Variants in TRDN observed in about 807,000 individuals in gnomAD.
TRDN encodes triadin in skeletal muscle.
In TRDN, 161 loss-of-function variants were observed where a neutral mutation model predicts 149.7. The observed-to-expected ratio is 1.08, with a 90% CI of 0.95 to 1.23. The LOEUF (loss-of-function observed/expected upper bound fraction) is 1.23, where lower values mean the gene tolerates loss of function less well. Among genes scored for constraint, TRDN ranks in the 50% most tolerant of loss-of-function variants. The pLI, the probability that TRDN is intolerant of heterozygous loss-of-function variation, is 0.00. For missense variants in TRDN, 896 were observed against 823.5 expected (o/e 1.09, Z -1.08); for synonymous variants, 294 against 250.5 (o/e 1.17, Z -1.64).
At chr6:123,458,931 C>G (rs1331491158) in intron 10 of TRDN, among the ~76,000 whole-genome samples, 2 of 146,462 alleles carry the variant, frequency 1.4e-5, no homozygotes, top group Non-Finnish European at 3.1e-5. Flanking sequence ...TTTTTGGATC[C>G]TTTGATATAT....
intron 10 of TRDN, among the ~76,000 whole-genome samples, chr6:123,453,774 G>T (rs1026992707): frequency 1.1e-4 from 16 of 151,994 alleles, no homozygotes; most frequent in African/African-American, 3.4e-4. Context: ...CAAAGGAAAA[G>T]AAGCCATTAT....
chr6:123,271,160 C>A lies in TRDN; in HGVS notation c.1699G>T (p.Ala567Ser). The change falls in exon 30 of 41, where the codon GCT becomes TCT. Residue 567 changes from alanine to serine, a missense_variant. Transcript: ENST00000334268. ...PEEKVLKQVK[A>S]VTIEKTAKPK... is the part of the protein sequence containing the mutation. Reference sequence around the variant, plus strand: ...TTACCTGTTTTTTCTATTGTGACAGCTTTTACCTGCTTGAGAACTTTTTCT... The same window carrying A: ...TTACCTGTTTTTTCTATTGTGACAGATTTTACCTGCTTGAGAACTTTTTCT... 2 of 1,536,386 alleles carry A rather than the reference C, an allele frequency of 1.3e-6. No homozygotes were observed. The highest frequency in any genetic ancestry group is 1.8e-6 in the Non-Finnish European group (2 of 1,142,476).
At chr6:123,543,447 G>A (rs189118505) in intron 4 of TRDN, among the ~76,000 whole-genome samples, 3 of 152,196 alleles carry the variant, frequency 2.0e-5, no homozygotes, top group African/African-American at 4.8e-5. Context: ...AAACATGTCC[G>A]AATTCTGTAT....
At chr6:123,466,886 G>A (rs1346165654) in intron 9 of TRDN, among the ~76,000 whole-genome samples, 2 of 151,628 alleles carry the variant, frequency 1.3e-5, no homozygotes, top group East Asian at 3.9e-4. Context: ...CATATACCTC[G>A]GTGAATAGTA....
Position 123,223,672 on chromosome 6 carries a change from T to TCTTTCTTCCTTC in TRDN, c.2014+420_2014+421insGAAGGAAGAAAG, listed in dbSNP as rs552763205. Among the ~76,000 whole-genome samples the TCTTTCTTCCTTC allele has an allele frequency of 2.6e-4, 27 of 105,792 alleles. 1 individual carries two copies. In the East Asian group the frequency reaches 7.6e-3, roughly 30 times the overall value. 69.4% of individuals were successfully genotyped at this position (105,792 alleles called of 152,430 possible). A position where few individuals can be genotyped will look rare whatever the true frequency, so the allele number is the denominator to read the frequency against. The stretch of plus-strand genomic sequence containing the variant: ...CAGGGGTTGAGTCCAGCCTTCCATT[T>TCTTTCTTCCTTC]CTTCCTTCCTTCCTTCCTTCCTTCC... On this transcript the variant is annotated intron_variant, in intron 39 of 40. Transcript: ENST00000334268.
At chr6:123,573,518 C>T (rs1782680161) in intron 1 of TRDN, among the ~76,000 whole-genome samples, 1 of 151,976 alleles carries the variant, frequency 6.6e-6, no homozygotes, top group African/African-American at 2.4e-5. Context: ...GTGGAAGCAC[C>T]AACTCTTCAA....
chr6:123,497,123 A>T, intron 9 of TRDN, 70 bp downstream of exon 9: 1 of 1,199,330 alleles, frequency 8.3e-7, no homozygotes. Flanking sequence ...ACAGTTAGGT[A>T]CATAAAAAGC....
chr6:123,475,249 A>C (rs1230675415), intron 9 of TRDN, among the ~76,000 whole-genome samples: 3 of 149,728 alleles, frequency 2.0e-5, no homozygotes, highest in Non-Finnish European at 3.0e-5. Context: ...CCACAGAAAT[A>C]CAAACTACCA....
At chr6:123,481,781 C>G (rs1777761616) in intron 9 of TRDN, among the ~76,000 whole-genome samples, 1 of 152,144 alleles carries the variant, frequency 6.6e-6, no homozygotes, top group Non-Finnish European at 1.5e-5. Context: ...ATCTTGAGAA[C>G]TACCTGAGTT....
chr6:123,380,470 C>T (rs955294646), intron 16 of TRDN, among the ~76,000 whole-genome samples: 3 of 152,126 alleles, frequency 2.0e-5, no homozygotes, highest in Admixed American at 6.6e-5. Flanking sequence ...TGAGAGAACT[C>T]TCTGTAGATG....
At chr6:123,514,129 C>T (rs767790412) in intron 6 of TRDN, among the ~76,000 whole-genome samples, 1 of 152,106 alleles carries the variant, frequency 6.6e-6, no homozygotes, top group Non-Finnish European at 1.5e-5. Flanking sequence ...CTTTGGGAGG[C>T]TGAGGTGAGC....
intron 20 of TRDN, among the ~76,000 whole-genome samples, chr6:123,365,087 T>C (rs988374978): frequency 6.6e-6 from 1 of 152,136 alleles, no homozygotes; most frequent in African/African-American, 2.4e-5. Flanking sequence ...AAATATTAGA[T>C]TATAAGAAAA....
intron 10 of TRDN, among the ~76,000 whole-genome samples, chr6:123,443,149 G>A (rs1480792122): frequency 6.6e-6 from 1 of 151,394 alleles, no homozygotes; most frequent in Non-Finnish European, 1.5e-5. Flanking sequence ...GTTTTGATAT[G>A]GCTTAAAATT....
intron 7 of TRDN, among the ~76,000 whole-genome samples, chr6:123,511,533 C>A (rs1024821207): frequency 1.3e-5 from 2 of 152,042 alleles, no homozygotes; most frequent in Admixed American, 6.6e-5. Flanking sequence ...ATTTTAAAAT[C>A]AAATTCAAGG....
intron 5 of TRDN, among the ~76,000 whole-genome samples, chr6:123,526,521 G>A (rs116424355): frequency 6.6e-6 from 1 of 152,146 alleles, no homozygotes; most frequent in African/African-American, 2.4e-5. Flanking sequence ...CAAAAATGTG[G>A]CTCTACAAAT....
At chr6:123,457,821 A>G (rs892505890) in intron 10 of TRDN, among the ~76,000 whole-genome samples, 3 of 152,236 alleles carry the variant, frequency 2.0e-5, no homozygotes, top group African/African-American at 7.2e-5. Flanking sequence ...AAATATCTCA[A>G]ATAGTCAACA....
chr6:123,516,067 A>T, intron 6 of TRDN, 74 bp downstream of exon 6: 2 of 1,305,498 alleles, frequency 1.5e-6, no homozygotes, highest in Non-Finnish European at 2.0e-6. Flanking sequence ...GTCATCTAAA[A>T]TCTGAATGTA....
intron 12 of TRDN, among the ~76,000 whole-genome samples, chr6:123,416,353 C>T (rs1562302523): frequency 6.6e-6 from 1 of 152,174 alleles, no homozygotes; most frequent in Non-Finnish European, 1.5e-5. Flanking sequence ...TTCTATTCCA[C>T]TGCTTCTTTT....
chr6:123,522,517 CTTTTTTTTTTT>C (rs375665403), intron 5 of TRDN, among the ~76,000 whole-genome samples: 1 of 87,224 alleles, frequency 1.1e-5, no homozygotes, highest in Admixed American at 1.7e-4. Flanking sequence ...TGCGGTTCCT[CTTTTTTTTTTT>C]TTTTTTTTTT....
Sources: allele counts gnomAD v4.1 joint callset (sites outside exome capture counted in the v4.1 genomes callset), GRCh38; gene constraint gnomAD v4.1.1; transcripts MANE v1.5; gene names NCBI Gene and HGNC (gene_info 2026-07-23, HGNC 2026-07-21).